Variants in ARHGEF3 observed in about 807,000 individuals in gnomAD.
The protein encoded by ARHGEF3 is 59.8 kDA protein.
A neutral mutation model predicts 63.2 loss-of-function variants in ARHGEF3; 28 were observed. The ratio of observed to expected loss-of-function variants is 0.44; its 90% CI spans 0.33 to 0.61. The LOEUF (loss-of-function observed/expected upper bound fraction) is 0.61, where lower values mean the gene tolerates loss of function less well. ARHGEF3 is among the 20% of genes least tolerant of loss of function. ARHGEF3 has a pLI of 0.03. For synonymous variants in ARHGEF3, 266 were observed against 254.2 expected, an observed-to-expected ratio of 1.05 and a Z score of -0.44; for missense variants, 533 against 659.3, an observed-to-expected ratio of 0.81 and a Z score of 2.10.
chr3:57,039,904 A>G (rs1470425368), intron 1 of ARHGEF3, among the ~76,000 whole-genome samples: 1 of 152,200 alleles, frequency 6.6e-6, no homozygotes, highest in Non-Finnish European at 1.5e-5. Flanking sequence ...ATGTAAGGTA[A>G]CACAGTCCCA....
rs144331833 is a variant in ARHGEF3 at position 56,780,818 on chromosome 3, T to C, written c.97-7002A>G. Among the ~76,000 whole-genome samples, 189 of 152,358 alleles carry C rather than the reference T, an allele frequency of 1.2e-3. 2 individuals carry two copies. The highest frequency in any genetic ancestry group is 5.2e-3 in the South Asian group (25 of 4,830). ...GATGTATCCTTCCTGGTATATCATA[T>C]AGGTGGTACACCATGTTGCTAAGTC... On this transcript the variant is annotated intron_variant, in intron 1 of 9. Coordinates refer to ENST00000296315, the MANE Select transcript of ARHGEF3 (RefSeq NM_019555.3).
At chr3:56,756,095 A>T (rs2035051444) in intron 2 of ARHGEF3, among the ~76,000 whole-genome samples, 1 of 152,166 alleles carries the variant, frequency 6.6e-6, no homozygotes, top group Non-Finnish European at 1.5e-5. Flanking sequence ...CCTATTTCCC[A>T]AAGAGGCCGC....
At chr3:57,023,288 T>C (rs577886894) in intron 2 of ARHGEF3, among the ~76,000 whole-genome samples, 1 of 152,312 alleles carries the variant, frequency 6.6e-6, no homozygotes, top group South Asian at 2.1e-4. Context: ...CTCTCAATTC[T>C]ACCACCGAAT....
intron 4 of ARHGEF3, among the ~76,000 whole-genome samples, chr3:56,846,722 C>G (rs148751573): frequency 7.3e-4 from 111 of 152,218 alleles, no homozygotes; most frequent in African/African-American, 2.6e-3. Context: ...ATAATTACCC[C>G]TCCTCAGACC....
At chr3:56,986,969 T>C (rs1039512936) in intron 2 of ARHGEF3, among the ~76,000 whole-genome samples, 2 of 152,086 alleles carry the variant, frequency 1.3e-5, no homozygotes. Context: ...CCCAACACCT[T>C]GGGAGGCCAT....
At chr3:57,064,437 T>C (rs1018194303) in intron 1 of ARHGEF3, among the ~76,000 whole-genome samples, 1 of 151,962 alleles carries the variant, frequency 6.6e-6, no homozygotes, top group Non-Finnish European at 1.5e-5. Context: ...GATCCTCCCA[T>C]CTCAGCCCCC....
chr3:56,871,615 C>T (rs549487990), intron 4 of ARHGEF3, among the ~76,000 whole-genome samples: 15 of 152,170 alleles, frequency 9.9e-5, no homozygotes, highest in African/African-American at 3.4e-4. Flanking sequence ...ACATTCTTAC[C>T]TTTACTAACA....
chr3:57,011,702 A>C (rs1204858757), intron 2 of ARHGEF3, among the ~76,000 whole-genome samples: 1 of 152,158 alleles, frequency 6.6e-6, no homozygotes, highest in Non-Finnish European at 1.5e-5. Flanking sequence ...TAATACTATC[A>C]CTTATTTACC....
At chr3:56,846,082 A>T (rs976895937) in intron 4 of ARHGEF3, among the ~76,000 whole-genome samples, 2 of 152,190 alleles carry the variant, frequency 1.3e-5, no homozygotes, top group Non-Finnish European at 2.9e-5. Context: ...TTGAAAATGA[A>T]CCCAGACTTT....
chr3:56,772,023 G>C (rs2036032907), intron 2 of ARHGEF3, among the ~76,000 whole-genome samples: 1 of 152,242 alleles, frequency 6.6e-6, no homozygotes, highest in East Asian at 1.9e-4. Flanking sequence ...AGGGAGAAAA[G>C]GTAAACACAT....
intron 4 of ARHGEF3, among the ~76,000 whole-genome samples, chr3:56,816,495 C>T (rs974096603): frequency 1.3e-5 from 2 of 152,142 alleles, no homozygotes; most frequent in Non-Finnish European, 2.9e-5. Flanking sequence ...CTAGATTGTA[C>T]GCTCCAAAAG....
chr3:56,970,610 G>C (rs1700867526), intron 2 of ARHGEF3, among the ~76,000 whole-genome samples: 1 of 152,224 alleles, frequency 6.6e-6, no homozygotes, highest in Non-Finnish European at 1.5e-5. Context: ...TCTGTGCTCA[G>C]AGATTCAGCA....
chr3:56,790,438 A>T (rs1367623195), intron 1 of ARHGEF3, among the ~76,000 whole-genome samples: 2 of 152,128 alleles, frequency 1.3e-5, no homozygotes, highest in African/African-American at 4.8e-5. Context: ...CCTTCTTTAC[A>T]GTGGTTTCTG....
At chr3:57,026,730 G>T (rs1703491596) in intron 2 of ARHGEF3, among the ~76,000 whole-genome samples, 1 of 152,332 alleles carries the variant, frequency 6.6e-6, no homozygotes. Context: ...TGCCTGTTGT[G>T]CTACATGGTG....
chr3:57,062,362 G>A (rs762852102), intron 1 of ARHGEF3, among the ~76,000 whole-genome samples: 17 of 152,254 alleles, frequency 1.1e-4, no homozygotes, highest in East Asian at 1.9e-4. Flanking sequence ...GCTCCAGACC[G>A]GCTACCACAG....
At chr3:56,737,437 G>A (rs2033703693) in intron 7 of ARHGEF3, 82 bp from the exon 8 acceptor site, 5 of 1,090,790 alleles carry the variant, frequency 4.6e-6, no homozygotes, top group Non-Finnish European at 6.5e-6. Context: ...AGCCTAGAAG[G>A]ACACCAGGAC....
intron 2 of ARHGEF3, among the ~76,000 whole-genome samples, chr3:56,968,991 A>G (rs1391622315): frequency 6.6e-6 from 1 of 152,206 alleles, no homozygotes; most frequent in African/African-American, 2.4e-5. Flanking sequence ...TAAATTGAGA[A>G]CCCCTGCTAA....
chr3:57,017,876 C>G (rs1402080073), intron 2 of ARHGEF3, among the ~76,000 whole-genome samples: 1 of 152,176 alleles, frequency 6.6e-6, no homozygotes, highest in Admixed American at 6.5e-5. Flanking sequence ...CTCCCAGCTC[C>G]CAGTGCTAAC....
intron 2 of ARHGEF3, among the ~76,000 whole-genome samples, chr3:57,032,868 C>T (rs1028836564): frequency 5.3e-5 from 8 of 152,094 alleles, no homozygotes; most frequent in African/African-American, 1.7e-4. Context: ...GAGAAAACAA[C>T]GTAGCAACCA....
Sources: gnomAD v4.1 joint callset for allele counts (sites outside exome capture counted in the v4.1 genomes callset) on GRCh38, gnomAD v4.1.1 for gene constraint, MANE v1.5 for transcripts, NCBI Gene and HGNC (gene_info 2026-07-23, HGNC 2026-07-21) for gene names.